LIFR: variants seen among roughly 807,000 people sequenced by gnomAD.
LIFR encodes the protein LIF receptor subunit alpha, also known as leukemia inhibitory factor receptor.
Under a neutral mutation model 122.2 loss-of-function variants are expected in LIFR, and 84 were observed. The observed-to-expected ratio is 0.69, with a 90% confidence interval of 0.58 to 0.82. The LOEUF is 0.82. LIFR is among the 40% of genes least tolerant of loss of function. LIFR has a pLI of 0.00. For missense variants in LIFR, 1,294 were observed against 1,311.6 expected (o/e 0.99, Z 0.21); for synonymous variants, 422 against 434.7 (o/e 0.97, Z 0.36).
At chr5:38,556,179 G>C (rs1748523938) in intron 1 of LIFR, among the ~76,000 whole-genome samples, 155 bp downstream of exon 1, 2 of 151,858 alleles carry the variant, frequency 1.3e-5, no homozygotes, top group Non-Finnish European at 2.9e-5. Context: ...GGAGAGCGGC[G>C]GGACCCGGAG....
Position 38,528,859 on chromosome 5 carries a change from CACACACACACACACACACAG to C in LIFR, c.143-39_143-20del, listed in dbSNP as rs1746843987. 2.0e-6 allele frequency: 2 copies of C among 1,002,232 alleles called. No homozygotes were observed. Among genetic ancestry groups the C allele is most frequent in the Non-Finnish European group, 3.0e-6 (2 of 656,418 alleles). The allele number at this position is 1,002,232 out of a possible 1,614,324, so 62.1% of individuals were successfully genotyped here. ...GGAGCCCCTGGAGGAGACACACACACACACACACACACACACACAGACACACATAAACACAGAATATGCTG... is the reference window on the plus strand; with the variant it reads ...GGAGCCCCTGGAGGAGACACACACACACACACATAAACACAGAATATGCTG... On this transcript the variant is annotated intron_variant, in intron 2 of 19. Transcript: ENST00000453190.
chr5:38,514,263 A>G, intron 5 of LIFR, among the ~76,000 whole-genome samples: 1 of 152,156 alleles, frequency 6.6e-6, no homozygotes, highest in Non-Finnish European at 1.5e-5. Context: ...AAAACAAGAA[A>G]TTCCCAAGCT....
At chr5:38,552,891 A>T (rs1186775724) in intron 1 of LIFR, among the ~76,000 whole-genome samples, 1 of 152,252 alleles carries the variant, frequency 6.6e-6, no homozygotes, top group African/African-American at 2.4e-5. Flanking sequence ...AACTATTCAT[A>T]GCCCACTATG....
chr5:38,547,297 A>G (rs138644675), intron 1 of LIFR, among the ~76,000 whole-genome samples: 2,089 of 152,248 alleles, frequency 0.014, 32 homozygotes, highest in Non-Finnish European at 0.02. Context: ...TCCAAAAATG[A>G]TTCTTGATTC....
intron 1 of LIFR, among the ~76,000 whole-genome samples, chr5:38,588,584 A>C (rs1749823471): frequency 6.6e-6 from 1 of 152,198 alleles, no homozygotes; most frequent in South Asian, 2.1e-4. Context: ...GTTGCTAGTA[A>C]GTTATGCAAT....
chr5:38,587,027 C>G (rs1240791378), intron 1 of LIFR, among the ~76,000 whole-genome samples: 1 of 152,144 alleles, frequency 6.6e-6, no homozygotes, highest in Non-Finnish European at 1.5e-5. Flanking sequence ...TTACCCTTCA[C>G]CAGTCTATAA....
rs1579980022 is a variant in LIFR, at chr5:38,475,081, C to T, written c.*6514G>A. ...TCTTTAGAGTTAACAGCCAAGCATACTAGTTTTACATTTATGGTGTTTTAG... is the reference window on the plus strand; with the variant it reads ...TCTTTAGAGTTAACAGCCAAGCATATTAGTTTTACATTTATGGTGTTTTAG... On this transcript the variant is annotated 3_prime_UTR_variant, in exon 20 of 20. Coordinates refer to ENST00000453190, the MANE Select transcript of LIFR (RefSeq NM_001127671.2). The T allele has an allele frequency of 1.1e-5, 2 of 178,478 alleles. No homozygotes were observed. Among genetic ancestry groups the T allele is most frequent in the South Asian group, 2.0e-4 (1 of 5,054 alleles). The allele number at this position is 178,478 out of a possible 1,614,324, so 11.1% of individuals were successfully genotyped here. A position where few individuals can be genotyped will look rare whatever the true frequency, so the allele number is the denominator to read the frequency against.
intron 12 of LIFR, 53 bp downstream of exon 12, chr5:38,499,460 T>G: frequency 8.2e-7 from 1 of 1,224,276 alleles, no homozygotes; most frequent in East Asian, 2.3e-5. Context: ...CATGCGTAAG[T>G]TAAGCAGTTT....
In LIFR at chr5:38,499,548, T is replaced by C; in HGVS notation, c.1636A>G (p.Ser546Gly). The C allele has an allele frequency of 6.2e-7, 1 of 1,608,710 alleles. No homozygotes were observed. Among genetic ancestry groups the C allele is most frequent in the Non-Finnish European group, 8.5e-7 (1 of 1,175,090 alleles). The change falls in exon 12 of 20, where the codon AGT becomes GGT. Residue 546 changes from serine to glycine, a missense_variant. Ser to Gly is a moderately conservative substitution (Grantham distance 56). Transcript: ENST00000453190. ...ATTATTAAATTTTTTCCATCAGAAC[T>C]CCACTCTCTCCAAGTATCAGGCCCC... Reference protein sequence around the residue: ...SKGPDTWREWSSDGKNLIIYW... With the variant: ...SKGPDTWREWGSDGKNLIIYW...
At chr5:38,569,168 C>A (rs2112711475) in intron 1 of LIFR, among the ~76,000 whole-genome samples, 1 of 152,318 alleles carries the variant, frequency 6.6e-6, no homozygotes, top group Middle Eastern at 3.4e-3. Flanking sequence ...ACTGAAACTG[C>A]CTTGATTTAA....
chr5:38,572,177 C>T (rs780067513), intron 1 of LIFR, among the ~76,000 whole-genome samples: 8 of 152,172 alleles, frequency 5.3e-5, no homozygotes, highest in African/African-American at 1.2e-4. Context: ...TTAATTGGCT[C>T]ACAATTCTGC....
At position 38,496,436 on chromosome 5, in the gene LIFR, T is replaced by A; in HGVS notation, c.1831A>T (p.Asn611Tyr). ...GAAGGTGGTGATGAGCCCACAGAAT[T>A]TTTAGCCACTACGCTGATGATGTAG... ...NDYIISVVAK[N>Y]SVGSSPPSKI... The change falls in exon 13 of 20, where the codon AAT becomes TAT. Residue 611 changes from asparagine to tyrosine, a missense_variant. Transcript: ENST00000453190. The A allele has an allele frequency of 6.2e-7, 1 of 1,614,154 alleles. No homozygotes were observed. The highest frequency in any genetic ancestry group is 8.5e-7 in the Non-Finnish European group (1 of 1,179,994).
chr5:38,563,312 A>G (rs1025826795), intron 1 of LIFR, among the ~76,000 whole-genome samples: 8 of 152,204 alleles, frequency 5.3e-5, no homozygotes, highest in Admixed American at 2.0e-4. Flanking sequence ...GACCTGGACT[A>G]TACCAATTAG....
At chr5:38,561,738 C>G (rs1023501067) in intron 1 of LIFR, among the ~76,000 whole-genome samples, 1 of 152,158 alleles carries the variant, frequency 6.6e-6, no homozygotes, top group Non-Finnish European at 1.5e-5. Context: ...TGAGGCAGTT[C>G]TAGCCTCCAA....
intron 2 of LIFR, among the ~76,000 whole-genome samples, chr5:38,600,927 G>A (rs1750210974): frequency 6.6e-6 from 1 of 152,166 alleles, no homozygotes; most frequent in East Asian, 1.9e-4. Flanking sequence ...GATACTGGAA[G>A]CAAACATTAG....
At chr5:38,492,331 A>G (rs1744638891) in intron 14 of LIFR, among the ~76,000 whole-genome samples, 1 of 152,162 alleles carries the variant, frequency 6.6e-6, no homozygotes, top group South Asian at 2.1e-4. Flanking sequence ...GGTCTCAGCT[A>G]AAACTTAAAT....
chr5:38,558,429 CA>C (rs1173004905), upstream of LIFR: 4 of 152,104 alleles, frequency 2.6e-5, no homozygotes, highest in African/African-American at 9.7e-5. Context: ...TGATACACAC[CA>C]TGTGTCCATT....
At chr5:38,555,985 G>A (rs181054628) in intron 1 of LIFR, among the ~76,000 whole-genome samples, 49 of 152,314 alleles carry the variant, frequency 3.2e-4, no homozygotes, top group South Asian at 1.0e-3. Context: ...AGGTTTAAAG[G>A]GGAGTTGAAG....
At chr5:38,520,109 GCTCCA>G (rs936891259) in intron 5 of LIFR, among the ~76,000 whole-genome samples, 22 of 152,040 alleles carry the variant, frequency 1.4e-4, no homozygotes, top group African/African-American at 5.3e-4. Context: ...AGCTTCCCAT[GCTCCA>G]CATCCTCACC....
Sources: allele counts gnomAD v4.1 joint callset (sites outside exome capture counted in the v4.1 genomes callset), GRCh38; gene constraint gnomAD v4.1.1; transcripts MANE v1.5; gene names NCBI Gene and HGNC (gene_info 2026-07-23, HGNC 2026-07-21).